SEMA3C: variants seen among roughly 807,000 people sequenced by gnomAD.
The protein encoded by SEMA3C is semaphorin 3C, also known as semaphorin-3C.
A neutral mutation model predicts 89.4 loss-of-function variants in SEMA3C; 47 were observed. That is an observed-to-expected ratio of 0.53 (90% CI 0.42 to 0.67). The LOEUF (loss-of-function observed/expected upper bound fraction) is 0.67. Ranked by LOEUF, SEMA3C falls within the 30% of genes least tolerant of loss-of-function variation. The probability of loss-of-function intolerance (pLI) is 0.00; values close to 1 mark genes in which losing one functional copy is unlikely to be tolerated. For synonymous variants in SEMA3C, 310 were observed against 320.2 expected (o/e 0.97, Z 0.34); for missense variants, 839 against 929.1 (o/e 0.90, Z 1.26).
At chr7:80,766,686 G>A (rs763631648) in intron 12 of SEMA3C, among the ~76,000 whole-genome samples, 17 of 151,990 alleles carry the variant, frequency 1.1e-4, no homozygotes, top group Admixed American at 2.0e-4. Flanking sequence ...ACCCTCCACC[G>A]TTAACAGTGC....
intron 2 of SEMA3C, among the ~76,000 whole-genome samples, chr7:80,833,586 C>A (rs1279842328): frequency 6.6e-6 from 1 of 152,110 alleles, no homozygotes; most frequent in Non-Finnish European, 1.5e-5. Context: ...ATCTAGTTTT[C>A]CGAGCCATAA....
intron 2 of SEMA3C, among the ~76,000 whole-genome samples, chr7:80,853,265 G>A (rs1168269577): frequency 3.3e-5 from 5 of 152,050 alleles, no homozygotes; most frequent in Non-Finnish European, 4.4e-5. Context: ...CCCATTGCTG[G>A]GTACATATGC....
At chr7:80,867,345 C>T (rs1790951678) in intron 2 of SEMA3C, among the ~76,000 whole-genome samples, 1 of 152,090 alleles carries the variant, frequency 6.6e-6, no homozygotes, top group South Asian at 2.1e-4. Context: ...AAGCTATCCT[C>T]CTACCACAGC....
intron 2 of SEMA3C, among the ~76,000 whole-genome samples, chr7:80,883,761 C>T (rs1370456978): frequency 2.0e-5 from 3 of 152,190 alleles, no homozygotes; most frequent in African/African-American, 4.8e-5. Context: ...AGTATCAAAG[C>T]ACATCTTTAA....
intron 2 of SEMA3C, among the ~76,000 whole-genome samples, chr7:80,913,515 T>C (rs1253390644): frequency 6.6e-6 from 1 of 152,362 alleles, no homozygotes; most frequent in Non-Finnish European, 1.5e-5. Context: ...ACCACTGTCA[T>C]GCATATGCAA....
At chr7:80,875,469 C>G (rs1363203019) in intron 2 of SEMA3C, among the ~76,000 whole-genome samples, 1 of 152,130 alleles carries the variant, frequency 6.6e-6, no homozygotes. Flanking sequence ...AGTAGTCCCT[C>G]CTTGTTGGTA....
At position 80,784,182 on chromosome 7, in the gene SEMA3C, T is replaced by C. The variant is rs536298661; in HGVS notation, c.1354+5124A>G. 7.2e-5 allele frequency among the ~76,000 whole-genome samples: 11 copies of C among 152,092 alleles called. 1 individual carries two copies. The South Asian group carries it at 2.3e-3, about 32-fold the overall frequency. On this transcript the variant is annotated intron_variant, in intron 12 of 17. Coordinates refer to ENST00000265361, the MANE Select transcript of SEMA3C (RefSeq NM_006379.5). ...CACAGTCTGCTTTGAACAAACAGCCTGGATGTAAGCAGTAGGTGGCAAAGT... is the reference window on the plus strand; with the variant it reads ...CACAGTCTGCTTTGAACAAACAGCCCGGATGTAAGCAGTAGGTGGCAAAGT...
rs560693534 is a variant in SEMA3C at position 80,797,311 on chromosome 7, G to A, written c.1131+781C>T. 2.0e-4 allele frequency among the ~76,000 whole-genome samples: 31 copies of A among 152,130 alleles called. No individual in the cohort carries two copies. In the East Asian group the frequency reaches 5.8e-3, roughly 28 times the overall value. On this transcript the variant is annotated intron_variant, in intron 11 of 17. Coordinates refer to ENST00000265361, the MANE Select transcript of SEMA3C (RefSeq NM_006379.5). ...CAGATGAGAAAGAAAGAGTAGGACT[G>A]TTATCAATGGACCCTTAGAAAAATT...
At chr7:80,894,099 TACA>T (rs1440844834) in intron 2 of SEMA3C, among the ~76,000 whole-genome samples, 1 of 152,190 alleles carries the variant, frequency 6.6e-6, no homozygotes, top group Admixed American at 6.6e-5. Flanking sequence ...CAATTTATCA[TACA>T]ACAACCAAAT....
chr7:80,883,653 G>A (rs1791405210), intron 2 of SEMA3C, among the ~76,000 whole-genome samples: 1 of 152,154 alleles, frequency 6.6e-6, no homozygotes, highest in Non-Finnish European at 1.5e-5. Flanking sequence ...GCTTCTTGCT[G>A]TTCCTTCCAT....
At chr7:80,879,403 T>C (rs2116090070) in intron 2 of SEMA3C, among the ~76,000 whole-genome samples, 1 of 152,306 alleles carries the variant, frequency 6.6e-6, no homozygotes, top group East Asian at 1.9e-4. Flanking sequence ...GGGCATGTGA[T>C]TCTTTTCAGT....
intron 2 of SEMA3C, among the ~76,000 whole-genome samples, chr7:80,851,664 C>T (rs561605501): frequency 1.3e-5 from 2 of 151,914 alleles, no homozygotes; most frequent in African/African-American, 4.8e-5. Context: ...CCAGAATCAG[C>T]TGAGAGGGCA....
intron 2 of SEMA3C, among the ~76,000 whole-genome samples, chr7:80,843,121 G>T (rs1022807454): frequency 2.0e-5 from 3 of 152,100 alleles, no homozygotes; most frequent in Admixed American, 6.6e-5. Context: ...GAAGTAATAA[G>T]TTCTAATGCT....
intron 2 of SEMA3C, among the ~76,000 whole-genome samples, chr7:80,894,536 G>A (rs551965249): frequency 1.1e-4 from 16 of 152,196 alleles, no homozygotes; most frequent in African/African-American, 2.9e-4. Flanking sequence ...CCAAGGTAAC[G>A]GGATTTGAAC....
At chr7:80,881,904 A>G (rs1392809497) in intron 2 of SEMA3C, among the ~76,000 whole-genome samples, 1 of 152,180 alleles carries the variant, frequency 6.6e-6, no homozygotes, top group Non-Finnish European at 1.5e-5. Context: ...GGATACAAGT[A>G]TCATCTATTG....
At chr7:80,882,412 CTTTTTTTTTTTTT>C (rs763742493) in intron 2 of SEMA3C, among the ~76,000 whole-genome samples, 2 of 46,652 alleles carry the variant, frequency 4.3e-5, no homozygotes, top group East Asian at 7.7e-4. Context: ...GTAAGGGATG[CTTTTTTTTTTTTT>C]TTTTTTTTTT....
intron 12 of SEMA3C, among the ~76,000 whole-genome samples, chr7:80,776,903 T>C (rs142143424): frequency 0.011 from 1,696 of 152,258 alleles, 26 homozygotes; most frequent in Middle Eastern, 0.051. Flanking sequence ...CAGAACAGTA[T>C]TGGACACGTG....
chr7:80,800,712 G>T, intron 10 of SEMA3C, 45 bp downstream of exon 10: 1 of 1,134,486 alleles, frequency 8.8e-7, no homozygotes, highest in Non-Finnish European at 1.3e-6. Flanking sequence ...GTTACTCCAT[G>T]AAGTTTATTG....
At chr7:80,874,447 G>GTTAGTTATTTAT (rs71520708) in intron 2 of SEMA3C, among the ~76,000 whole-genome samples, 118 of 146,614 alleles carry the variant, frequency 8.0e-4, no homozygotes, top group African/African-American at 2.6e-3. Context: ...ACCATAGCAA[G>GTTAGTTATTTAT]TTATTTATTT....
Sources: gnomAD v4.1 joint callset for allele counts (sites outside exome capture counted in the v4.1 genomes callset) on GRCh38, gnomAD v4.1.1 for gene constraint, MANE v1.5 for transcripts, NCBI Gene and HGNC (gene_info 2026-07-23, HGNC 2026-07-21) for gene names.